Variants in TMEM132B observed in about 807,000 individuals in gnomAD.
The protein encoded by TMEM132B is transmembrane protein 132B.
TMEM132B carries 18 observed loss-of-function variants against 90.8 expected under a neutral mutation model. That is an observed-to-expected ratio of 0.20 (90% CI 0.14 to 0.29). The LOEUF (loss-of-function observed/expected upper bound fraction) is 0.29, where lower values mean the gene tolerates loss of function less well. Ranked by LOEUF, TMEM132B falls within the 10% of genes least tolerant of loss-of-function variation. The pLI, the probability that TMEM132B is intolerant of heterozygous loss-of-function variation, is 1.00. For synonymous variants in TMEM132B, 504 were observed against 523.3 expected, an observed-to-expected ratio of 0.96 and a Z score of 0.50; for missense variants, 1,096 against 1,326.8, an observed-to-expected ratio of 0.83 and a Z score of 2.70.
At chr12:125,434,912 C>T (rs554112237) in intron 3 of TMEM132B, among the ~76,000 whole-genome samples, 1 of 152,286 alleles carries the variant, frequency 6.6e-6, no homozygotes, top group South Asian at 2.1e-4. Flanking sequence ...ACTTCTTTTC[C>T]GTGTAAAACT....
At chr12:125,247,657 C>T (rs1008742683) in intron 1 of TMEM132B, among the ~76,000 whole-genome samples, 1 of 152,110 alleles carries the variant, frequency 6.6e-6, no homozygotes, top group East Asian at 1.9e-4. Flanking sequence ...ACATGGCCCC[C>T]TGGCTAATCA....
chr12:125,358,800 A>G (rs1205590493), intron 2 of TMEM132B, among the ~76,000 whole-genome samples: 1 of 152,146 alleles, frequency 6.6e-6, no homozygotes, highest in Non-Finnish European at 1.5e-5. Context: ...TAATAATAAC[A>G]CCTGGGAAGA....
intron 1 of TMEM132B, among the ~76,000 whole-genome samples, chr12:125,253,434 C>CTTT (rs1317549570): frequency 5.0e-5 from 7 of 139,074 alleles, no homozygotes; most frequent in African/African-American, 1.3e-4. Flanking sequence ...TTCCCCCCCA[C>CTTT]TTTTTTTTTT....
In TMEM132B at chr12:125,507,126, G is replaced by T. The variant is rs576991765; in HGVS notation, c.1107-12313G>T. Among the ~76,000 whole-genome samples the T allele has an allele frequency of 1.6e-4, 24 of 152,340 alleles. No homozygotes were observed. In the East Asian group the frequency reaches 2.5e-3, roughly 16 times the overall value. On this transcript the variant is annotated intron_variant, in intron 3 of 8. Transcript: ENST00000682704. Reference sequence around the variant, plus strand: ...TGGTGCCTGTCTAGACCTAGGCAGGGTTGGACACGAATAAGACCTCAGACA... The same window carrying T: ...TGGTGCCTGTCTAGACCTAGGCAGGTTTGGACACGAATAAGACCTCAGACA...
rs575261267 is a variant in TMEM132B, at chr12:125,492,620, G to A, written c.1107-26819G>A. Among the ~76,000 whole-genome samples the A allele has an allele frequency of 2.6e-5, 4 of 152,230 alleles. No homozygotes were observed. In the East Asian group the frequency reaches 7.8e-4, roughly 30 times the overall value. On this transcript the variant is annotated intron_variant, in intron 3 of 8. Transcript: ENST00000682704. This position sits in a 1 kb window ranked among gnomAD's most constrained non-coding sequence, Gnocchi z 5.8. Reference sequence around the variant, plus strand: ...TGGGTGAGGAGGCTACGGCAGCCTCGGGTCCCAGCAGGGCAGGCATGGGGT... The same window carrying A: ...TGGGTGAGGAGGCTACGGCAGCCTCAGGTCCCAGCAGGGCAGGCATGGGGT...
At position 125,583,970 on chromosome 12, in the gene TMEM132B, G is replaced by C; in HGVS notation, c.1413G>C (p.Lys471Asn). ...ATGTGTCTGAGTCTGTGGAATGCAA[G>C]TCTGCCGATGAAGATGTCATTAAGG... ...VVDVSESVEC[K>N]SADEDVIKVS... The change falls in exon 5 of 9, where the codon AAG becomes AAC. Residue 471 changes from lysine to asparagine, a missense_variant. Coordinates refer to ENST00000682704, the MANE Select transcript of TMEM132B (RefSeq NM_001366854.1). 6.2e-7 allele frequency: 1 copy of C among 1,614,226 alleles called. No individual in the cohort carries two copies. The highest frequency in any genetic ancestry group is 8.5e-7 in the Non-Finnish European group (1 of 1,180,044).
At chr12:125,218,232 G>A (rs1873481824) in intron 1 of TMEM132B, among the ~76,000 whole-genome samples, 1 of 151,932 alleles carries the variant, frequency 6.6e-6, no homozygotes, top group African/African-American at 2.4e-5. Context: ...ATGTTGTATG[G>A]TGTGCTTTTG....
intron 2 of TMEM132B, among the ~76,000 whole-genome samples, chr12:125,388,033 G>C (rs1473594468): frequency 6.6e-6 from 1 of 152,196 alleles, no homozygotes; most frequent in East Asian, 1.9e-4. Flanking sequence ...GTGTGGCACA[G>C]ATGATAATTA....
In TMEM132B at chr12:125,397,123, C is replaced by G. The variant is rs325097; in HGVS notation, c.960-18408C>G. The stretch of plus-strand genomic sequence containing the variant: ...GTTAGCTGGGACTACAGGCACCCAC[C>G]ACCAGGCCCGGCTAATTTTTTTGTA... On this transcript the variant is annotated intron_variant, in intron 2 of 8. Coordinates refer to ENST00000682704, the MANE Select transcript of TMEM132B (RefSeq NM_001366854.1). Among the ~76,000 whole-genome samples the G allele has an allele frequency of 3.5e-3, 540 of 152,206 alleles. 2 individuals are homozygous for G. The highest frequency in any genetic ancestry group is 0.012 in the African/African-American group (506 of 41,516).
In TMEM132B at chr12:125,657,572, C is replaced by T. The variant is rs537921541; in HGVS notation, c.*2862C>T. 2.6e-5 allele frequency: 4 copies of T among 152,194 alleles called. No homozygotes were observed. The highest frequency in any genetic ancestry group is 9.6e-5 in the African/African-American group (4 of 41,518). The allele number at this position is 152,194 out of a possible 1,614,324, so 9.4% of individuals were successfully genotyped here. On this transcript the variant is annotated 3_prime_UTR_variant, in exon 9 of 9. Transcript: ENST00000682704. The stretch of plus-strand genomic sequence containing the variant: ...CAATATACAACTATTAGGTGCTGTG[C>T]CCCAAAATATCTAAAATGGGGGTAA...
At chr12:125,563,984 T>C (rs1021186667) in intron 4 of TMEM132B, among the ~76,000 whole-genome samples, 1 of 152,170 alleles carries the variant, frequency 6.6e-6, no homozygotes, top group African/African-American at 2.4e-5. Context: ...TGTGAGAGAA[T>C]AAATTTCCAT....
chr12:125,355,767 T>G (rs1877747099), intron 2 of TMEM132B, among the ~76,000 whole-genome samples: 1 of 152,176 alleles, frequency 6.6e-6, no homozygotes, highest in Non-Finnish European at 1.5e-5. Flanking sequence ...GCACAAGATT[T>G]GCTGAGATCG....
At chr12:125,307,923 T>C (rs1185678199) in intron 1 of TMEM132B, among the ~76,000 whole-genome samples, 4 of 132,750 alleles carry the variant, frequency 3.0e-5, no homozygotes, top group Non-Finnish European at 6.2e-5. Context: ...TATATACTTA[T>C]ATTACTTAAT....
At chr12:125,365,469 A>G (rs1292026747) in intron 2 of TMEM132B, among the ~76,000 whole-genome samples, 1 of 152,046 alleles carries the variant, frequency 6.6e-6, no homozygotes, top group Non-Finnish European at 1.5e-5. Flanking sequence ...AGCCTTTTGC[A>G]TTTATCCAGA....
chr12:125,495,719 G>A (rs1882544155), intron 3 of TMEM132B, among the ~76,000 whole-genome samples: 1 of 152,124 alleles, frequency 6.6e-6, no homozygotes, highest in Non-Finnish European at 1.5e-5. Flanking sequence ...GGACAGAAAT[G>A]CCTGGGCCTG....
At chr12:125,298,901 T>G (rs1475913603) in intron 1 of TMEM132B, among the ~76,000 whole-genome samples, 2 of 151,208 alleles carry the variant, frequency 1.3e-5, no homozygotes, top group Non-Finnish European at 3.0e-5. Flanking sequence ...GCACGGCTAA[T>G]TTTTTGTATT....
intron 4 of TMEM132B, among the ~76,000 whole-genome samples, chr12:125,545,381 A>T (rs888089972): frequency 6.6e-6 from 1 of 152,244 alleles, no homozygotes; most frequent in Non-Finnish European, 1.5e-5. Context: ...AGAATAGGGC[A>T]GGTGGTCACA....
At chr12:125,191,230 GTGGTGA>G (rs1473985132) in intron 1 of TMEM132B, among the ~76,000 whole-genome samples, 1 of 146,396 alleles carries the variant, frequency 6.8e-6, no homozygotes, top group Admixed American at 6.8e-5. Context: ...AGGGGTGGTG[GTGGTGA>G]TGGTGATGGT....
chr12:125,447,009 C>T (rs1292702539), intron 3 of TMEM132B, among the ~76,000 whole-genome samples: 1 of 152,230 alleles, frequency 6.6e-6, no homozygotes, highest in Non-Finnish European at 1.5e-5. Context: ...TTAAAATCTA[C>T]TGCATATTGC....
Sources: gnomAD v4.1 joint callset for allele counts (sites outside exome capture counted in the v4.1 genomes callset) on GRCh38, gnomAD v4.1.1 for gene constraint, Gnocchi (gnomAD v3.1) non-coding constraint, MANE v1.5 for transcripts, NCBI Gene and HGNC (gene_info 2026-07-23, HGNC 2026-07-21) for gene names.